The following TDRD7 variants were observed in gnomAD, a reference collection of about 807,000 sequenced individuals.
TDRD7 encodes the protein tudor domain containing 7.
Under a neutral mutation model 109.8 loss-of-function variants are expected in TDRD7, and 47 were observed. The observed-to-expected ratio is 0.43, with a 90% confidence interval of 0.34 to 0.55. The LOEUF is 0.55. Among genes scored for constraint, TDRD7 ranks in the 20% least tolerant of loss-of-function variants. The probability of loss-of-function intolerance (pLI) is 0.03; values close to 1 mark genes in which losing one functional copy is unlikely to be tolerated. For missense variants in TDRD7, 1,164 were observed against 1,319.2 expected, an observed-to-expected ratio of 0.88 and a Z score of 1.82; for synonymous variants, 424 against 457.3, an observed-to-expected ratio of 0.93 and a Z score of 0.93.
At chr9:97,427,980 G>A (rs981309529) in intron 1 of TDRD7, among the ~76,000 whole-genome samples, 26 of 152,062 alleles carry the variant, frequency 1.7e-4, no homozygotes, top group African/African-American at 6.3e-4. Context: ...TAGTCTCAGG[G>A]TCTGCCCCTC....
At chr9:97,442,591 G>T (rs550877790) in intron 6 of TDRD7, among the ~76,000 whole-genome samples, 1 of 152,224 alleles carries the variant, frequency 6.6e-6, no homozygotes, top group South Asian at 2.1e-4. Context: ...GCTTACATAA[G>T]ATATATTTAA....
chr9:97,456,335 A>T (rs535541441), intron 6 of TDRD7, among the ~76,000 whole-genome samples: 2 of 152,358 alleles, frequency 1.3e-5, no homozygotes, highest in South Asian at 4.1e-4. Context: ...GTTAAATTTC[A>T]TATGGAATCA....
intron 2 of TDRD7, among the ~76,000 whole-genome samples, chr9:97,429,632 T>C (rs1052998361): frequency 6.6e-6 from 1 of 152,230 alleles, no homozygotes; most frequent in African/African-American, 2.4e-5. Flanking sequence ...TTAAATGTTA[T>C]ATGAATAATA....
At position 97,465,033 on chromosome 9, in the gene TDRD7, G is replaced by C. The variant is rs1293690218; in HGVS notation, c.1629+5G>C. On this transcript the variant is annotated splice_donor_5th_base_variant and intron_variant, in intron 8 of 16. Transcript: ENST00000355295. ...ACAGAAGAGAACAAAATAAAGGCAA[G>C]CACTGTTTACTTTGTCATAGCATTA... 1.9e-6 allele frequency: 3 copies of C among 1,612,706 alleles called. No homozygotes were observed. In the Admixed American group the frequency reaches 5.0e-5, roughly 27 times the overall value.
intron 14 of TDRD7, 36 bp from the exon 15 acceptor site, chr9:97,482,813 T>G (rs1262960665): frequency 6.2e-7 from 1 of 1,609,704 alleles, no homozygotes; most frequent in African/African-American, 1.3e-5. Flanking sequence ...TAATGTGAAC[T>G]TGTATTTCTT....
chr9:97,431,530 G>A (rs1450618621), intron 3 of TDRD7, among the ~76,000 whole-genome samples: 1 of 152,108 alleles, frequency 6.6e-6, no homozygotes, highest in East Asian at 1.9e-4. Context: ...CTTATCTCAA[G>A]GATCTTACAA....
chr9:97,487,336 A>G lies in TDRD7; in HGVS notation c.3076+4A>G. ...GCAGTCACAGCTCAACTTGCAGGTA[A>G]TTTCTGTGGAATCTGAACTCATGCT... is the stretch of plus-strand genomic sequence containing the variant. On this transcript the variant is annotated splice_donor_region_variant and intron_variant, in intron 16 of 16. Coordinates refer to ENST00000355295, the MANE Select transcript of TDRD7 (RefSeq NM_014290.3). The G allele has an allele frequency of 6.2e-7, 1 of 1,613,888 alleles. No individual in the cohort carries two copies. Among genetic ancestry groups the G allele is most frequent in the Non-Finnish European group, 8.5e-7 (1 of 1,179,842 alleles).
chr9:97,490,494 T>C (rs1032948179), intron 16 of TDRD7, among the ~76,000 whole-genome samples: 1 of 149,282 alleles, frequency 6.7e-6, no homozygotes, highest in African/African-American at 2.4e-5. Flanking sequence ...TTCAAGACTT[T>C]TGTTCATCTT....
intron 12 of TDRD7, among the ~76,000 whole-genome samples, chr9:97,476,939 G>A (rs193297709): frequency 1.6e-4 from 24 of 152,154 alleles, no homozygotes; most frequent in Admixed American, 5.2e-4. Flanking sequence ...AGTAATTATT[G>A]CTATTAATGT....
At chr9:97,475,990 A>G (rs1829011689) in intron 12 of TDRD7, among the ~76,000 whole-genome samples, 1 of 152,190 alleles carries the variant, frequency 6.6e-6, no homozygotes, top group South Asian at 2.1e-4. Context: ...TGCCAACGTT[A>G]TCACTCCATC....
chr9:97,462,688 C>G (rs1471554981), intron 7 of TDRD7, among the ~76,000 whole-genome samples: 1 of 152,192 alleles, frequency 6.6e-6, no homozygotes, highest in Non-Finnish European at 1.5e-5. Flanking sequence ...TCTTTGCCCC[C>G]CTTGCTCAGG....
chr9:97,487,877 A>T (rs7858483), intron 16 of TDRD7, among the ~76,000 whole-genome samples: 78,061 of 151,874 alleles, frequency 0.51, 20,230 homozygotes, highest in African/African-American at 0.57. Context: ...TAATACATCT[A>T]CATAATAGAG....
intron 1 of TDRD7, among the ~76,000 whole-genome samples, chr9:97,415,134 AC>A (rs1827790975): frequency 6.6e-6 from 1 of 152,268 alleles, no homozygotes; most frequent in Non-Finnish European, 1.5e-5. Flanking sequence ...TTTTCAGTTT[AC>A]CCTAATAATT....
intron 16 of TDRD7, 99 bp downstream of exon 16, chr9:97,487,431 A>G: frequency 6.5e-7 from 1 of 1,549,768 alleles, no homozygotes. Flanking sequence ...TCTTGAGTTT[A>G]GGTATGTTGG....
intron 6 of TDRD7, among the ~76,000 whole-genome samples, chr9:97,447,499 C>T (rs1488467773): frequency 6.6e-6 from 1 of 152,120 alleles, no homozygotes; most frequent in Non-Finnish European, 1.5e-5. Context: ...CACTGCTCAA[C>T]CAGGGACATG....
intron 4 of TDRD7, among the ~76,000 whole-genome samples, chr9:97,436,572 T>C (rs933666350): frequency 5.9e-5 from 9 of 152,172 alleles, no homozygotes; most frequent in African/African-American, 1.7e-4. Context: ...AAATGTTGCA[T>C]GCTTATAGCT....
intron 4 of TDRD7, 54 bp downstream of exon 4, chr9:97,432,292 C>A: frequency 6.9e-7 from 1 of 1,458,102 alleles, no homozygotes. Context: ...AAAAGTGTTA[C>A]AAATGTATGT....
At chr9:97,489,795 C>T (rs889761153) in intron 16 of TDRD7, among the ~76,000 whole-genome samples, 1 of 151,902 alleles carries the variant, frequency 6.6e-6, no homozygotes, top group East Asian at 1.9e-4. Context: ...ACTTTCTCTC[C>T]TTTCTTAGGA....
chr9:97,449,945 G>A (rs1286728106), intron 6 of TDRD7, among the ~76,000 whole-genome samples: 1 of 152,144 alleles, frequency 6.6e-6, no homozygotes, highest in Non-Finnish European at 1.5e-5. Flanking sequence ...TAGTATTTCT[G>A]CTCCAAACTT....
Sources: allele counts gnomAD v4.1 joint callset (sites outside exome capture counted in the v4.1 genomes callset), GRCh38; gene constraint gnomAD v4.1.1; transcripts MANE v1.5; gene names NCBI Gene and HGNC (gene_info 2026-07-23, HGNC 2026-07-21).